Variants in RRM2 observed in about 807,000 individuals in gnomAD.
The protein encoded by RRM2 is ribonucleotide reductase regulatory subunit M2.
RRM2 carries 6 observed loss-of-function variants against 45.9 expected under a neutral mutation model. That is an observed-to-expected ratio of 0.13 (90% CI 0.07 to 0.26). The LOEUF is 0.26. Ranked by LOEUF, RRM2 falls within the 10% of genes least tolerant of loss-of-function variation. The pLI is 1.00. For synonymous variants in RRM2, 177 were observed against 173.0 expected, an observed-to-expected ratio of 1.02 and a Z score of -0.18; for missense variants, 343 against 489.5, an observed-to-expected ratio of 0.70 and a Z score of 2.82.
chr2:10,203,420 A>G (rs758350765), intron 3 of RRM2, among the ~76,000 whole-genome samples: 2 of 152,110 alleles, frequency 1.3e-5, no homozygotes, highest in Admixed American at 6.5e-5. Flanking sequence ...AGTGGCACCT[A>G]CGCATAGATT....
At chr2:10,134,017 A>G (rs1024333589), downstream of RRM2, among the ~76,000 whole-genome samples, 1 of 151,944 alleles carries the variant, frequency 6.6e-6, no homozygotes, top group African/African-American at 2.4e-5. Context: ...CATCTCTACT[A>G]AAAATACAAA....
At chr2:10,132,091 C>T (rs115952661), downstream of RRM2, among the ~76,000 whole-genome samples, 613 of 152,290 alleles carry the variant, frequency 4.0e-3, 7 homozygotes, top group African/African-American at 0.014. Context: ...TTTCCTGACT[C>T]GGAATCCCAC....
At chr2:10,209,249 G>T (rs1031367031) in intron 3 of RRM2, among the ~76,000 whole-genome samples, 4 of 151,842 alleles carry the variant, frequency 2.6e-5, no homozygotes, top group African/African-American at 9.7e-5. Flanking sequence ...GTAGGGGTGG[G>T]GTTTCACCAT....
chr2:10,145,195 G>T (rs947914237), intron 3 of RRM2, among the ~76,000 whole-genome samples: 5 of 152,204 alleles, frequency 3.3e-5, no homozygotes, highest in Non-Finnish European at 7.3e-5. Context: ...GGAGTTGGCT[G>T]TGGGCCAGGT....
At chr2:10,142,074 G>A (rs992106681) in intron 2 of RRM2, 10 of 1,597,494 alleles carry the variant, frequency 6.3e-6, no homozygotes, top group Admixed American at 1.7e-5. Context: ...GATCGACCAC[G>A]TGGTTAGGGG....
chr2:10,164,755 A>T (rs1189367081), intron 3 of RRM2, among the ~76,000 whole-genome samples: 1 of 152,150 alleles, frequency 6.6e-6, no homozygotes, highest in Non-Finnish European at 1.5e-5. Flanking sequence ...GCCCTGCAGG[A>T]GGTGCCCCCG....
Position 10,123,359 on chromosome 2 carries a change from T to G in RRM2, c.175-28T>G, listed in dbSNP as rs751585651. 4 of 1,589,314 alleles carry G rather than the reference T, an allele frequency of 2.5e-6. No homozygotes were observed. The Admixed American group carries it at 5.7e-5, about 23-fold the overall frequency. On this transcript the variant is annotated intron_variant, in intron 2 of 9. Coordinates refer to ENST00000304567, the MANE Select transcript of RRM2 (RefSeq NM_001034.4). ...TAGTTTCATATGGTTCGCCCGGTAC[T>G]TAAATGTTTTATTTTCTCCCCCAAC... is the stretch of plus-strand genomic sequence containing the variant.
At position 10,201,148 on chromosome 2, in the gene RRM2, C is replaced by CAA. The variant is rs146526701; in HGVS notation, n.483-9150_483-9149dup. On this transcript the variant is annotated intron_variant and non_coding_transcript_variant, in intron 3 of 3. Coordinates refer to the RRM2 transcript ENST00000381786. ...TGGGGAACAGAGCAAGATTCCATCT[C>CAA]AAAAAAAAAAAAAAGAAAGAAAGAA... Among the ~76,000 whole-genome samples, 815 of 120,880 alleles carry CAA rather than the reference C, an allele frequency of 6.7e-3. 11 individuals are homozygous for CAA. The highest frequency in any genetic ancestry group is 0.022 in the African/African-American group (681 of 30,568). The allele number at this position is 120,880 out of a possible 152,430, so 79.3% of individuals were successfully genotyped here.
At chr2:10,123,682 C>A in intron 3 of RRM2, 54 bp from the exon 4 acceptor site, 1 of 1,406,674 alleles carries the variant, frequency 7.1e-7, no homozygotes, top group Admixed American at 1.7e-5. Flanking sequence ...AGTGTGAGTC[C>A]TGTAGGCTTT....
At chr2:10,203,241 T>G (rs143175734) in intron 3 of RRM2, among the ~76,000 whole-genome samples, 56 of 152,316 alleles carry the variant, frequency 3.7e-4, no homozygotes, top group African/African-American at 1.3e-3. Context: ...TCATTCAACA[T>G]TCCTGTGTTT....
At chr2:10,167,524 G>C (rs1163975788) in intron 3 of RRM2, among the ~76,000 whole-genome samples, 2 of 152,164 alleles carry the variant, frequency 1.3e-5, no homozygotes, top group African/African-American at 4.8e-5. Context: ...GCCCTGCCTT[G>C]CTTCTTTCTC....
intron 3 of RRM2, among the ~76,000 whole-genome samples, chr2:10,184,120 A>AAAT: frequency 7.0e-6 from 1 of 142,696 alleles, no homozygotes; most frequent in Non-Finnish European, 1.5e-5. Flanking sequence ...AAAAAAAAAA[A>AAAT]GCAAAAAAGC....
At chr2:10,154,251 A>T (rs573722960) in intron 3 of RRM2, among the ~76,000 whole-genome samples, 1 of 152,300 alleles carries the variant, frequency 6.6e-6, no homozygotes, top group South Asian at 2.1e-4. Context: ...AGGCGGGCAG[A>T]TCGCTTGAGG....
At chr2:10,141,912 C>T (rs779361478) in exon 2 of RRM2, 40 of 1,577,778 alleles carry the variant, frequency 2.5e-5, no homozygotes, top group Non-Finnish European at 2.5e-5. Context: ...GGAGACAGCA[C>T]GCCAGTGAGG....
intron 3 of RRM2, among the ~76,000 whole-genome samples, chr2:10,148,143 C>CAAAAAAAAA (rs374826185): frequency 8.4e-6 from 1 of 119,614 alleles, no homozygotes; most frequent in Non-Finnish European, 1.7e-5. Context: ...GACCCTGACT[C>CAAAAAAAAA]AAAAAAAAAA....
At position 10,169,309 on chromosome 2, in the gene RRM2, C is replaced by A. The variant is rs1435332579; in HGVS notation, n.482+26934C>A. On this transcript the variant is annotated intron_variant and non_coding_transcript_variant, in intron 3 of 3. Coordinates refer to the RRM2 transcript ENST00000381786. The surrounding 1 kb of genome is among the most constrained non-coding windows in gnomAD (Gnocchi z 5.1). Reference sequence around the variant, plus strand: ...CTTTGTAAGTTCCCAAGTTGAAGCACCCCCTTCAGGTGTAGTTTTAGACGT... The same window carrying A: ...CTTTGTAAGTTCCCAAGTTGAAGCAACCCCTTCAGGTGTAGTTTTAGACGT... 6.6e-6 allele frequency among the ~76,000 whole-genome samples: 1 copy of A among 152,160 alleles called. No individual in the cohort carries two copies. Among genetic ancestry groups the A allele is most frequent in the South Asian group, 2.1e-4 (1 of 4,826 alleles).
intron 3 of RRM2, among the ~76,000 whole-genome samples, chr2:10,164,872 A>G (rs902994941): frequency 7.2e-5 from 11 of 152,194 alleles, no homozygotes; most frequent in African/African-American, 2.7e-4. Context: ...GCACGGGGGA[A>G]GGCTGCCACT....
At chr2:10,142,954 A>G (rs2125312456) in intron 3 of RRM2, among the ~76,000 whole-genome samples, 1 of 152,296 alleles carries the variant, frequency 6.6e-6, no homozygotes. Context: ...ACTCACTACA[A>G]GCTCTGCCTC....
chr2:10,162,765 C>T (rs1008146636), intron 3 of RRM2, among the ~76,000 whole-genome samples: 6 of 152,044 alleles, frequency 3.9e-5, no homozygotes, highest in Non-Finnish European at 7.4e-5. Flanking sequence ...CGTTTGCCCT[C>T]TCTGGGCCTC....
Sources: gnomAD v4.1 joint callset for allele counts (sites outside exome capture counted in the v4.1 genomes callset) on GRCh38, gnomAD v4.1.1 for gene constraint, Gnocchi (gnomAD v3.1) non-coding constraint, MANE v1.5 for transcripts, NCBI Gene and HGNC (gene_info 2026-07-23, HGNC 2026-07-21) for gene names.